Variants in SGCZ observed in about 807,000 individuals in gnomAD.
SGCZ encodes the protein zeta-sarcoglycan.
SGCZ carries 40 observed loss-of-function variants against 41.3 expected under a neutral mutation model. The observed-to-expected ratio is 0.97, with a 90% CI of 0.75 to 1.26. The LOEUF (loss-of-function observed/expected upper bound fraction) is 1.26. Among genes scored for constraint, SGCZ ranks in the 50% most tolerant of loss-of-function variants. The pLI is 0.00. For synonymous variants in SGCZ, 206 were observed against 137.5 expected (o/e 1.50, Z -3.49); for missense variants, 552 against 369.8 (o/e 1.49, Z -4.04).
chr8:14,635,767 G>C (rs1338545000), intron 1 of SGCZ, among the ~76,000 whole-genome samples: 2 of 151,780 alleles, frequency 1.3e-5, no homozygotes, highest in East Asian at 3.9e-4. Context: ...CATGCACAGA[G>C]GGTCTTAGAA....
At chr8:14,319,986 T>C (rs1360134864) in intron 3 of SGCZ, among the ~76,000 whole-genome samples, 1 of 152,024 alleles carries the variant, frequency 6.6e-6, no homozygotes, top group African/African-American at 2.4e-5. Flanking sequence ...TCCTAATTTA[T>C]TTTTATTTTT....
intron 3 of SGCZ, among the ~76,000 whole-genome samples, chr8:14,301,719 T>G (rs945234571): frequency 1.3e-5 from 2 of 152,142 alleles, no homozygotes; most frequent in Non-Finnish European, 1.5e-5. Flanking sequence ...GGAAAGACAG[T>G]GAGAAGAATA....
intron 3 of SGCZ, among the ~76,000 whole-genome samples, chr8:14,242,865 C>G (rs529427578): frequency 9.7e-4 from 148 of 152,090 alleles, no homozygotes; most frequent in Non-Finnish European, 1.4e-3. Flanking sequence ...AAATGTCAAA[C>G]CAATATAAAA....
intron 1 of SGCZ, among the ~76,000 whole-genome samples, chr8:14,816,055 T>A (rs1486454659): frequency 6.6e-6 from 1 of 152,238 alleles, no homozygotes; most frequent in African/African-American, 2.4e-5. Context: ...ATATATTCCA[T>A]TTAATGCAGT....
At chr8:14,325,255 G>A (rs896234700) in intron 2 of SGCZ, among the ~76,000 whole-genome samples, 8 of 151,980 alleles carry the variant, frequency 5.3e-5, no homozygotes, top group African/African-American at 1.9e-4. Flanking sequence ...GAGGAATATG[G>A]TGGAAGAAAA....
chr8:14,254,016 T>G (rs564739222), intron 3 of SGCZ, among the ~76,000 whole-genome samples: 1 of 152,310 alleles, frequency 6.6e-6, no homozygotes, highest in Admixed American at 6.5e-5. Context: ...ATGCTTGTAT[T>G]AAAACAGTAC....
chr8:14,681,281 G>C (rs893116830), intron 1 of SGCZ, among the ~76,000 whole-genome samples: 6 of 152,074 alleles, frequency 3.9e-5, no homozygotes, highest in Non-Finnish European at 8.8e-5. Flanking sequence ...AATTACTGTA[G>C]ATGTATAATC....
At chr8:14,228,479 C>G (rs1245402637) in intron 4 of SGCZ, among the ~76,000 whole-genome samples, 2 of 151,986 alleles carry the variant, frequency 1.3e-5, no homozygotes. Context: ...AATTCAAACA[C>G]TAGAGATATA....
chr8:15,076,192 T>C (rs1483223227), intron 1 of SGCZ, among the ~76,000 whole-genome samples: 2 of 152,234 alleles, frequency 1.3e-5, no homozygotes, highest in African/African-American at 2.4e-5. Context: ...TTAGAAATTT[T>C]TCATGACTTC....
chr8:14,508,626 C>T (rs1333681135), intron 2 of SGCZ, among the ~76,000 whole-genome samples: 2 of 152,048 alleles, frequency 1.3e-5, no homozygotes, highest in African/African-American at 4.8e-5. Context: ...CTAACTTTCC[C>T]CATCGGTGGC....
chr8:14,454,797 CG>C (rs1253462183), intron 2 of SGCZ, among the ~76,000 whole-genome samples: 2 of 152,048 alleles, frequency 1.3e-5, no homozygotes, highest in African/African-American at 4.8e-5. Context: ...GAGCTTTTAA[CG>C]GAGGGTGCTG....
At chr8:14,584,407 G>A (rs776135655) in intron 1 of SGCZ, among the ~76,000 whole-genome samples, 1 of 152,002 alleles carries the variant, frequency 6.6e-6, no homozygotes, top group Non-Finnish European at 1.5e-5. Context: ...TACATTCTAG[G>A]CTAAGATTTT....
At position 14,830,056 on chromosome 8, in the gene SGCZ, C is replaced by T. The variant is rs549867542; in HGVS notation, c.40-275130G>A. On this transcript the variant is annotated intron_variant, in intron 1 of 7. Coordinates refer to ENST00000382080, the MANE Select transcript of SGCZ (RefSeq NM_139167.4). ...CGATCGCCTGACCTCGTGATCTGCA[C>T]GCCTTGGCCTCCCAAAGTGCTGGGA... is the stretch of plus-strand genomic sequence containing the variant. Among the ~76,000 whole-genome samples, 14 of 152,282 alleles carry T rather than the reference C, an allele frequency of 9.2e-5. No homozygotes were observed. The South Asian group carries it at 1.9e-3, about 20-fold the overall frequency.
At chr8:14,777,271 C>T (rs1436552745) in intron 1 of SGCZ, among the ~76,000 whole-genome samples, 1 of 152,028 alleles carries the variant, frequency 6.6e-6, no homozygotes. Flanking sequence ...CTATATTATT[C>T]TGAAGCCATA....
At chr8:14,816,127 T>C (rs1801895979) in intron 1 of SGCZ, among the ~76,000 whole-genome samples, 1 of 152,246 alleles carries the variant, frequency 6.6e-6, no homozygotes, top group African/African-American at 2.4e-5. Context: ...ATTGACATGT[T>C]TACATTTTGT....
At chr8:15,100,343 CTATT>C (rs1466208940) in intron 1 of SGCZ, among the ~76,000 whole-genome samples, 12 of 152,020 alleles carry the variant, frequency 7.9e-5, no homozygotes, top group African/African-American at 2.7e-4. Context: ...AAACATAACA[CTATT>C]TATATTATTA....
intron 4 of SGCZ, among the ~76,000 whole-genome samples, chr8:14,174,466 G>C (rs1024713502): frequency 6.6e-6 from 1 of 152,050 alleles, no homozygotes; most frequent in Non-Finnish European, 1.5e-5. Flanking sequence ...ATTCCTGACA[G>C]AGAGGAGACT....
chr8:14,959,628 T>C (rs980135543), intron 1 of SGCZ, among the ~76,000 whole-genome samples: 2 of 152,152 alleles, frequency 1.3e-5, no homozygotes, highest in African/African-American at 4.8e-5. Flanking sequence ...GAAAGCACTG[T>C]CATTGAACAC....
chr8:14,807,451 G>A (rs1056235057), intron 1 of SGCZ, among the ~76,000 whole-genome samples: 5 of 152,068 alleles, frequency 3.3e-5, no homozygotes, highest in Admixed American at 6.6e-5. Context: ...CAAACAGAGA[G>A]CCAAATCATG....
Sources: gnomAD v4.1 joint callset for allele counts (sites outside exome capture counted in the v4.1 genomes callset) on GRCh38, gnomAD v4.1.1 for gene constraint, MANE v1.5 for transcripts, NCBI Gene and HGNC (gene_info 2026-07-23, HGNC 2026-07-21) for gene names.